Variants in WNT6 observed in about 807,000 individuals in gnomAD.
The protein encoded by WNT6 is Wnt family member 6.
Under a neutral mutation model 33.1 loss-of-function variants are expected in WNT6, and 27 were observed. That is an observed-to-expected ratio of 0.82 (90% CI 0.60 to 1.12). The LOEUF is 1.12. Among genes scored for constraint, WNT6 ranks in the 50% most tolerant of loss-of-function variants. WNT6 has a pLI of 0.00. For missense variants in WNT6, 494 were observed against 535.3 expected (o/e 0.92, Z 0.76); for synonymous variants, 249 against 242.8 (o/e 1.03, Z -0.24).
chr2:218,867,031 T>C lies in WNT6; in HGVS notation c.81-3996T>C, dbSNP rs111619439. Among the ~76,000 whole-genome samples the C allele has an allele frequency of 9.0e-4, 137 of 152,202 alleles. No individual in the cohort carries two copies. Among genetic ancestry groups the C allele is most frequent in the African/African-American group, 3.2e-3 (132 of 41,508 alleles). ...GGGATCTGAGGTGAGTTTGGAGAGATGCTAAGATTTTGATGACTTAGGGTG... is the reference window on the plus strand; with the variant it reads ...GGGATCTGAGGTGAGTTTGGAGAGACGCTAAGATTTTGATGACTTAGGGTG... On this transcript the variant is annotated intron_variant, in intron 1 of 3. Coordinates refer to ENST00000233948, the MANE Select transcript of WNT6 (RefSeq NM_006522.4). This position sits in a 1 kb window ranked among gnomAD's most constrained non-coding sequence, Gnocchi z 4.9.
At chr2:218,862,060 G>C (rs1008229079) in intron 1 of WNT6, among the ~76,000 whole-genome samples, 3 of 152,196 alleles carry the variant, frequency 2.0e-5, no homozygotes, top group African/African-American at 7.2e-5. Flanking sequence ...GGACTGCTGG[G>C]TGGCAGCCAA....
Position 218,871,325 on chromosome 2 carries a change from G to C in WNT6, c.301+78G>C. 6.6e-7 allele frequency: 1 copy of C among 1,526,148 alleles called. No individual in the cohort carries two copies. The highest frequency in any genetic ancestry group is 8.9e-7 in the Non-Finnish European group (1 of 1,123,578). 94.5% of individuals were successfully genotyped at this position (1,526,148 alleles called of 1,614,324 possible). A position where few individuals can be genotyped will look rare whatever the true frequency, so the allele number is the denominator to read the frequency against. ...CCGAGGAGAGGAGAACTGGTTCGCT[G>C]AAGTTGCCTGAGCCCCACTTCCCCC... On this transcript the variant is annotated intron_variant, in intron 2 of 3. Coordinates refer to ENST00000233948, the MANE Select transcript of WNT6 (RefSeq NM_006522.4). The surrounding 1 kb of genome is among the most constrained non-coding windows in gnomAD (Gnocchi z 6.4).
rs1401530022 is a variant in WNT6, at chr2:218,859,947, C to T, written c.-91C>T. 3.6e-6 allele frequency: 4 copies of T among 1,104,774 alleles called. No homozygotes were observed. The highest frequency in any genetic ancestry group is 4.5e-6 in the Non-Finnish European group (4 of 888,010). 68.4% of individuals were successfully genotyped at this position (1,104,774 alleles called of 1,614,324 possible). On this transcript the variant is annotated 5_prime_UTR_variant, in exon 1 of 4. Transcript: ENST00000233948. ...TCCCGGCCGCCGCCGTTGCGCTCGC[C>T]GCGCTCGCACTGAAGCCCGGGCCCT...
rs1168811984 is a variant in WNT6, at chr2:218,873,321, C to T, written c.637-63C>T. On this transcript the variant is annotated intron_variant, in intron 3 of 3. Coordinates refer to ENST00000233948, the MANE Select transcript of WNT6 (RefSeq NM_006522.4). The surrounding 1 kb of genome is among the most constrained non-coding windows in gnomAD (Gnocchi z 6.1). ...ATTCCCAATCTTATTTTCTGTCCAT[C>T]CGCTGGGCCCTTCCCTGCACCCCCT... 1 of 1,442,840 alleles carries T rather than the reference C, an allele frequency of 6.9e-7. No individual in the cohort carries two copies. Among genetic ancestry groups the T allele is most frequent in the East Asian group, 2.6e-5 (1 of 38,898 alleles). The allele number at this position is 1,442,840 out of a possible 1,614,324, so 89.4% of individuals were successfully genotyped here. A position where few individuals can be genotyped will look rare whatever the true frequency, so the allele number is the denominator to read the frequency against.
At position 218,867,128 on chromosome 2, in the gene WNT6, G is replaced by C. The variant is rs994236205; in HGVS notation, c.81-3899G>C. Among the ~76,000 whole-genome samples the C allele has an allele frequency of 6.6e-6, 1 of 152,110 alleles. No homozygotes were observed. The highest frequency in any genetic ancestry group is 2.4e-5 in the African/African-American group (1 of 41,400). ...GTTAATCAACCTTGCTAGGGGTACG[G>C]GGCTGTGTGGAGGATGGTGTGGGAG... is the stretch of plus-strand genomic sequence containing the variant. On this transcript the variant is annotated intron_variant, in intron 1 of 3. Transcript: ENST00000233948. The surrounding 1 kb of genome is among the most constrained non-coding windows in gnomAD (Gnocchi z 4.9).
chr2:218,865,271 G>A (rs1020018701), intron 1 of WNT6, among the ~76,000 whole-genome samples: 1 of 152,196 alleles, frequency 6.6e-6, no homozygotes, highest in Non-Finnish European at 1.5e-5. Flanking sequence ...GCCGCAGGAC[G>A]CCTGTCCTTT....
intron 1 of WNT6, among the ~76,000 whole-genome samples, chr2:218,860,792 C>A (rs1203885931): frequency 2.0e-5 from 3 of 151,040 alleles, no homozygotes; most frequent in Non-Finnish European, 2.9e-5. Context: ...GGAGAGGGGC[C>A]TGGCCAGCCA....
At position 218,873,995 on chromosome 2, in the gene WNT6, G is replaced by A; in HGVS notation, c.*150G>A. On this transcript the variant is annotated 3_prime_UTR_variant, in exon 4 of 4. Coordinates refer to ENST00000233948, the MANE Select transcript of WNT6 (RefSeq NM_006522.4). This position sits in a 1 kb window ranked among gnomAD's most constrained non-coding sequence, Gnocchi z 6.1. ...CAGGGCTCTGGAAATGGTGAGGCGA[G>A]GGGCTTGAGAGGAACGCCCACCCAC... is the stretch of plus-strand genomic sequence containing the variant. The A allele has an allele frequency of 1.1e-6, 1 of 945,902 alleles. No homozygotes were observed. Among genetic ancestry groups the A allele is most frequent in the South Asian group, 2.0e-5 (1 of 49,714 alleles). The allele number at this position is 945,902 out of a possible 1,614,324, so 58.6% of individuals were successfully genotyped here.
chr2:218,868,173 A>AG (rs1216235303), intron 1 of WNT6, among the ~76,000 whole-genome samples: 1 of 152,016 alleles, frequency 6.6e-6, no homozygotes, highest in Non-Finnish European at 1.5e-5. Context: ...CAGCCTGGGG[A>AG]GCCAGACCCA....
In WNT6 at chr2:218,871,897, CA is replaced by C; in HGVS notation, c.636+79del. ...AGGAGTGTGCTTGAGGAAGTGTTGGCAGGAGTGAGGGTGTGTAGGTGGAGGG... is the reference window on the plus strand; with the variant it reads ...AGGAGTGTGCTTGAGGAAGTGTTGGCGGAGTGAGGGTGTGTAGGTGGAGGG... On this transcript the variant is annotated intron_variant, in intron 3 of 3. Coordinates refer to ENST00000233948, the MANE Select transcript of WNT6 (RefSeq NM_006522.4). This position sits in a 1 kb window ranked among gnomAD's most constrained non-coding sequence, Gnocchi z 6.4. 7.5e-7 allele frequency: 1 copy of C among 1,341,248 alleles called. No homozygotes were observed. Among genetic ancestry groups the C allele is most frequent in the Non-Finnish European group, 9.8e-7 (1 of 1,016,632 alleles). The allele number at this position is 1,341,248 out of a possible 1,614,324, so 83.1% of individuals were successfully genotyped here.
In WNT6 at chr2:218,871,572, T is replaced by C. The variant is rs1944401647; in HGVS notation, c.389T>C (p.Leu130Pro). 2 of 1,556,756 alleles carry C rather than the reference T, an allele frequency of 1.3e-6. No individual in the cohort carries two copies. The highest frequency in any genetic ancestry group is 1.7e-6 in the Non-Finnish European group (2 of 1,161,564). Residue 130 changes from leucine (L) to proline (P), a missense_variant, in exon 3 of 4, where the codon CTG becomes CCG. By Grantham distance (98) the Leu-to-Pro change is moderately conservative. Transcript: ENST00000233948. This position sits in a 1 kb window ranked among gnomAD's most constrained non-coding sequence, Gnocchi z 6.4. ...CAGGCCTGTTCTATGGGCGAGCTGC[T>C]GCAGTGCGGCTGCCAGGCGCCCCGC... Reference protein sequence around the residue: ...VTQACSMGELLQCGCQAPRGR... With the variant: ...VTQACSMGELPQCGCQAPRGR...
rs1390796683 is a variant in WNT6 at position 218,871,267 on chromosome 2, G to A, written c.301+20G>A. 1.3e-6 allele frequency: 2 copies of A among 1,591,856 alleles called. No homozygotes were observed. The highest frequency in any genetic ancestry group is 1.7e-6 in the Non-Finnish European group (2 of 1,165,488). On this transcript the variant is annotated intron_variant, in intron 2 of 3. Coordinates refer to ENST00000233948, the MANE Select transcript of WNT6 (RefSeq NM_006522.4). This position sits in a 1 kb window ranked among gnomAD's most constrained non-coding sequence, Gnocchi z 6.4. ...AACAGGGTCAGTGTGGGGAGGGGGC[G>A]GAAGTGGGGCTGCTTTCTCCCTGCT...
Position 218,871,343 on chromosome 2 carries a change from C to T in WNT6, c.301+96C>T. 3.3e-6 allele frequency: 5 copies of T among 1,497,888 alleles called. No individual in the cohort carries two copies. Among genetic ancestry groups the T allele is most frequent in the Non-Finnish European group, 4.5e-6 (5 of 1,101,058 alleles). 92.8% of individuals were successfully genotyped at this position (1,497,888 alleles called of 1,614,324 possible). A position where few individuals can be genotyped will look rare whatever the true frequency, so the allele number is the denominator to read the frequency against. On this transcript the variant is annotated intron_variant, in intron 2 of 3. Transcript: ENST00000233948. The surrounding 1 kb of genome is among the most constrained non-coding windows in gnomAD (Gnocchi z 6.4). ...GTTCGCTGAAGTTGCCTGAGCCCCA[C>T]TTCCCCCTCACATGTGTCTGGGCAC...
chr2:218,863,399 C>A (rs983497605), intron 1 of WNT6, among the ~76,000 whole-genome samples: 3 of 152,186 alleles, frequency 2.0e-5, no homozygotes, highest in Non-Finnish European at 2.9e-5. Flanking sequence ...GCAGAGAGGA[C>A]CCCAGGACCT....
intron 1 of WNT6, among the ~76,000 whole-genome samples, chr2:218,869,844 C>G (rs1027825543): frequency 6.6e-6 from 1 of 152,190 alleles, no homozygotes; most frequent in Non-Finnish European, 1.5e-5. Context: ...CTTCCCCTAC[C>G]AAGCCAAATA....
chr2:218,866,044 TAGAC>T (rs1479379171), intron 1 of WNT6, among the ~76,000 whole-genome samples: 4 of 150,390 alleles, frequency 2.7e-5, no homozygotes, highest in Non-Finnish European at 5.9e-5. Context: ...ATTACCGAGT[TAGAC>T]AGAGCAGGAC....
At chr2:218,868,372 A>G (rs989512136) in intron 1 of WNT6, among the ~76,000 whole-genome samples, 1 of 152,048 alleles carries the variant, frequency 6.6e-6, no homozygotes, top group African/African-American at 2.4e-5. Flanking sequence ...GAGGGAGAGG[A>G]GAAGGATGGG....
At position 218,867,485 on chromosome 2, in the gene WNT6, A is replaced by G. The variant is rs575831738; in HGVS notation, c.81-3542A>G. Reference sequence around the variant, plus strand: ...CCCTAGGCAATTGATCCTACCAACCATGGTCCTTGGTAGAGAGACCTTGGC... The same window carrying G: ...CCCTAGGCAATTGATCCTACCAACCGTGGTCCTTGGTAGAGAGACCTTGGC... On this transcript the variant is annotated intron_variant, in intron 1 of 3. Transcript: ENST00000233948. This position sits in a 1 kb window ranked among gnomAD's most constrained non-coding sequence, Gnocchi z 4.9. Among the ~76,000 whole-genome samples, 3 of 152,310 alleles carry G rather than the reference A, an allele frequency of 2.0e-5. No individual in the cohort carries two copies. Among genetic ancestry groups the G allele is most frequent in the South Asian group, 2.1e-4 (1 of 4,830 alleles).
At position 218,860,087 on chromosome 2, in the gene WNT6, T is replaced by C; in HGVS notation, c.50T>C (p.Leu17Pro). 1 of 1,527,670 alleles carries C rather than the reference T, an allele frequency of 6.5e-7. No individual in the cohort carries two copies. The allele number at this position is 1,527,670 out of a possible 1,614,324, so 94.6% of individuals were successfully genotyped here. A position where few individuals can be genotyped will look rare whatever the true frequency, so the allele number is the denominator to read the frequency against. The stretch of plus-strand genomic sequence containing the variant: ...CTCGGGCTGCTGCTGCTGCTGCTCC[T>C]GTGCCCGGCGCACGTCGGCGGACTG... ...SRLGLLLLLL[L>P]CPAHVGGLWW... The change falls in exon 1 of 4, where the codon CTG (leucine) becomes CCG (proline). Residue 17 changes from leucine (L) to proline (P), a missense_variant. Leu to Pro is a moderately conservative substitution (Grantham distance 98). Transcript: ENST00000233948.
Sources: gnomAD v4.1 joint callset for allele counts (sites outside exome capture counted in the v4.1 genomes callset) on GRCh38, gnomAD v4.1.1 for gene constraint, Gnocchi (gnomAD v3.1) non-coding constraint, MANE v1.5 for transcripts, NCBI Gene and HGNC (gene_info 2026-07-23, HGNC 2026-07-21) for gene names.